LTN1: variants seen among roughly 807,000 people sequenced by gnomAD.
The protein encoded by LTN1 is listerin E3 ubiquitin protein ligase 1, also known as E3 ubiquitin-protein ligase listerin.
A neutral mutation model predicts 201.2 loss-of-function variants in LTN1; 88 were observed. The observed-to-expected ratio is 0.44, with a 90% CI of 0.37 to 0.52. The LOEUF (loss-of-function observed/expected upper bound fraction) is 0.52, where lower values mean the gene tolerates loss of function less well. Ranked by LOEUF, LTN1 falls within the 20% of genes least tolerant of loss-of-function variation. LTN1 has a pLI of 0.00. For synonymous variants in LTN1, 645 were observed against 713.5 expected (o/e 0.90, Z 1.53); for missense variants, 1,752 against 2,038.7 (o/e 0.86, Z 2.71).
intron 25 of LTN1, among the ~76,000 whole-genome samples, chr21:28,939,974 G>C (rs2146262699): frequency 6.6e-6 from 1 of 152,244 alleles, no homozygotes; most frequent in Non-Finnish European, 1.5e-5. Context: ...ATGCAAAGAT[G>C]CAAAAATTGA....
chr21:28,947,159 A>T (rs1025468672), intron 19 of LTN1, among the ~76,000 whole-genome samples: 1 of 152,206 alleles, frequency 6.6e-6, no homozygotes, highest in African/African-American at 2.4e-5. Context: ...AACAGACGCT[A>T]TTTTTGCCTT....
chr21:28,947,156 G>A (rs994731492), intron 19 of LTN1, among the ~76,000 whole-genome samples: 4 of 152,142 alleles, frequency 2.6e-5, no homozygotes, highest in Admixed American at 6.6e-5. Context: ...TACAACAGAC[G>A]CTATTTTTGC....
Position 28,932,519 on chromosome 21 carries a change from T to G in LTN1, c.5021A>C (p.Gln1674Pro), listed in dbSNP as rs775252329. 3.1e-6 allele frequency: 5 copies of G among 1,614,090 alleles called. No individual in the cohort carries two copies. The South Asian group carries it at 5.5e-5, about 18-fold the overall frequency. ...CTGCAGCATCCAGTTCCGCCACTGC[T>G]GAACAGCTACTCCTACTCTTTTCCC... ...ESGKRVGVAV[Q>P]QWRNWMLQLS... The change falls in exon 28 of 30, where the codon CAG (glutamine) becomes CCG (proline). Residue 1674 changes from glutamine to proline, a missense_variant. This residue lies in a region of LTN1 where 261 missense variants were observed against 350.1 expected (regional missense o/e 0.75). Transcript: ENST00000361371.
intron 29 of LTN1, among the ~76,000 whole-genome samples, 158 bp from the exon 30 acceptor site, chr21:28,930,668 A>T (rs1334616970): frequency 6.6e-6 from 1 of 152,258 alleles, no homozygotes; most frequent in Non-Finnish European, 1.5e-5. Flanking sequence ...CAAAATTAAC[A>T]CAAATTGAGT....
At chr21:28,949,839 C>T (rs2084368998) in intron 18 of LTN1, among the ~76,000 whole-genome samples, 1 of 152,074 alleles carries the variant, frequency 6.6e-6, no homozygotes, top group Non-Finnish European at 1.5e-5. Context: ...TATTTTTCTT[C>T]CAAACACACA....
At position 28,946,133 on chromosome 21, in the gene LTN1, A is replaced by G; in HGVS notation, c.3623+19T>C. On this transcript the variant is annotated intron_variant, in intron 20 of 29. Coordinates refer to ENST00000361371, the MANE Select transcript of LTN1 (RefSeq NM_015565.3). ...GAATTGTATACTGAAGGAAAAACAT[A>G]GTATAAAGTATCACCTACCAACTGA... is the stretch of plus-strand genomic sequence containing the variant. The G allele has an allele frequency of 2.0e-5, 31 of 1,558,396 alleles. No individual in the cohort carries two copies. The highest frequency in any genetic ancestry group is 2.7e-5 in the Non-Finnish European group (31 of 1,151,908).
chr21:28,936,056 G>A (rs1021017822), intron 26 of LTN1, among the ~76,000 whole-genome samples: 1 of 152,094 alleles, frequency 6.6e-6, no homozygotes, highest in African/African-American at 2.4e-5. Context: ...CAGAAGTCTT[G>A]GAATACCCAA....
chr21:28,948,333 G>A (rs1308659717), intron 18 of LTN1, among the ~76,000 whole-genome samples: 2 of 136,278 alleles, frequency 1.5e-5, no homozygotes, highest in African/African-American at 2.8e-5. Context: ...TGCAATGCAC[G>A]ATCTCAGCTC....
intron 6 of LTN1, among the ~76,000 whole-genome samples, chr21:28,980,681 G>C (rs921245582): frequency 6.6e-6 from 1 of 151,938 alleles, no homozygotes; most frequent in African/African-American, 2.4e-5. Context: ...CAATGCCTCA[G>C]TATTCACTAA....
At position 28,945,523 on chromosome 21, in the gene LTN1, T is replaced by A. The variant is rs138867960; in HGVS notation, c.3768+284A>T. On this transcript the variant is annotated intron_variant, in intron 21 of 29. Transcript: ENST00000361371. ...GACCAAAATAATTGTCATTAACAGA[T>A]AAAACCTGAAAGGGCTGTGCTGCAA... 6.9e-4 allele frequency among the ~76,000 whole-genome samples: 105 copies of A among 152,278 alleles called. 1 individual carries two copies. In the East Asian group the frequency reaches 0.019, roughly 28 times the overall value.
Position 28,947,539 on chromosome 21 carries a change from C to A in LTN1, c.3412G>T (p.Glu1138Ter). ...QSLCPFLSKEEKKEFSAQCIP... is the reference protein window; with the variant it reads ...QSLCPFLSKE The stretch of plus-strand genomic sequence containing the variant: ...CATTGAGCACTAAATTCTTTCTTTT[C>A]TTCTTTTGACAAAAATGGACATAGA... The change falls in exon 19 of 30, where the codon GAA (glutamate) becomes TAA (stop). Residue 1138 changes from glutamate to a stop codon, truncating the protein, a stop_gained. Transcript: ENST00000361371. LOFTEE classifies it high-confidence loss of function. 6.3e-7 allele frequency: 1 copy of A among 1,594,236 alleles called. No individual in the cohort carries two copies. Among genetic ancestry groups the A allele is most frequent in the East Asian group, 2.3e-5 (1 of 43,898 alleles).
rs528676722 is a variant in LTN1, at chr21:28,953,244, G to A, written c.3212C>T (p.Ser1071Leu). Residue 1071 changes from serine (S) to leucine (L), a missense_variant, in exon 17 of 30, where the codon TCG becomes TTG. Transcript: ENST00000361371. Reference protein sequence around the residue: ...YDNLRVLGNTSGLLQLLFNRS... With the variant: ...YDNLRVLGNTLGLLQLLFNRS... ...GTTAAATAACAGCTGCAAAAGGCCC[G>A]ACGTATTACCAAGTACACGTAAGTT... 36 of 1,580,724 alleles carry A rather than the reference G, an allele frequency of 2.3e-5. No homozygotes were observed. Among genetic ancestry groups the A allele is most frequent in the African/African-American group, 6.9e-5 (5 of 72,944 alleles).
At chr21:28,983,351 G>A (rs865869678) in intron 4 of LTN1, among the ~76,000 whole-genome samples, 8 of 152,156 alleles carry the variant, frequency 5.3e-5, no homozygotes, top group Non-Finnish European at 8.8e-5. Flanking sequence ...AGCTCTTAGC[G>A]TCCAAACTCA....
rs200514377 is a variant in LTN1 at position 28,971,285 on chromosome 21, G to A, written c.970C>T (p.Leu324Phe). Residue 324 changes from leucine to phenylalanine, a missense_variant, in exon 7 of 30, where the codon CTT becomes TTT. Leu to Phe is a conservative substitution (Grantham distance 22). Transcript: ENST00000361371. The part of the protein sequence containing the change: ...PALWEAVLYT[L>F]TTIEDCWLHV... The stretch of plus-strand genomic sequence containing the variant: ...CTCTTACATACCTCAATAGTTGTAA[G>A]TGTATAGAGTACAGCTTCCCAGAGA... 6.2e-7 allele frequency: 1 copy of A among 1,613,664 alleles called. No individual in the cohort carries two copies. Among genetic ancestry groups the A allele is most frequent in the Non-Finnish European group, 8.5e-7 (1 of 1,179,748 alleles).
At chr21:28,991,560 T>C (rs2084746388) in intron 1 of LTN1, among the ~76,000 whole-genome samples, 1 of 152,198 alleles carries the variant, frequency 6.6e-6, no homozygotes, top group South Asian at 2.1e-4. Flanking sequence ...TGCAACCAAG[T>C]ATTAGCAATT....
Position 28,944,578 on chromosome 21 carries a change from C to T in LTN1, c.3787G>A (p.Ala1263Thr). Residue 1263 changes from alanine to threonine, a missense_variant, in exon 22 of 30, where the codon GCA (alanine) becomes ACA (threonine). This residue lies in a region of LTN1 where 1,211 missense variants were observed against 1,312.8 expected (regional missense o/e 0.92). Transcript: ENST00000361371. ...TGCACAAGTGGAATAGAATACAATG[C>T]CTGATTCTCACTTGTTGTCTGAAAA... ...AWLETTSENQ[A>T]LYSIPLVQLF... 6 of 1,612,818 alleles carry T rather than the reference C, an allele frequency of 3.7e-6. No individual in the cohort carries two copies. The highest frequency in any genetic ancestry group is 5.1e-6 in the Non-Finnish European group (6 of 1,179,202).
intron 6 of LTN1, among the ~76,000 whole-genome samples, chr21:28,976,761 T>A (rs1372396101): frequency 6.6e-6 from 1 of 152,154 alleles, no homozygotes; most frequent in Non-Finnish European, 1.5e-5. Flanking sequence ...TGTACTGGAA[T>A]TTGTTTTGTT....
At chr21:28,990,405 GTAAT>G (rs1276355060) in intron 1 of LTN1, among the ~76,000 whole-genome samples, 1 of 152,164 alleles carries the variant, frequency 6.6e-6, no homozygotes, top group Non-Finnish European at 1.5e-5. Context: ...TGAGATATGA[GTAAT>G]TAATTCATTA....
chr21:28,932,611 G>A lies in LTN1; in HGVS notation c.4929C>T (p.Asp1643=), dbSNP rs141513787. ...REVMATYTIE[D]IVIELIIQLP... ...GTTGTATTATAAGTTCAATAACTATGTCCTCAATAGTATAAGTAGCCATTA... is the reference window on the plus strand; with the variant it reads ...GTTGTATTATAAGTTCAATAACTATATCCTCAATAGTATAAGTAGCCATTA... Residue 1643 remains aspartate, a synonymous_variant, in exon 28 of 30, where the codon GAC becomes GAT. Transcript: ENST00000361371. 1.9e-6 allele frequency: 3 copies of A among 1,613,042 alleles called. No individual in the cohort carries two copies. The highest frequency in any genetic ancestry group is 2.5e-6 in the Non-Finnish European group (3 of 1,179,098).
Sources: gnomAD v4.1 joint callset for allele counts (sites outside exome capture counted in the v4.1 genomes callset) on GRCh38, gnomAD v4.1.1 for gene constraint, gnomAD v4.1.1 regional missense constraint, MANE v1.5 for transcripts, NCBI Gene and HGNC (gene_info 2026-07-23, HGNC 2026-07-21) for gene names.